Variants in UST observed in about 807,000 individuals in gnomAD.
The protein encoded by UST is uronyl 2-sulfotransferase.
In UST, 21 loss-of-function variants were observed where a neutral mutation model predicts 45.6. That is an observed-to-expected ratio of 0.46 (90% CI 0.33 to 0.66). The LOEUF (loss-of-function observed/expected upper bound fraction) is 0.66. Among genes scored for constraint, UST ranks in the 30% least tolerant of loss-of-function variants. The pLI is 0.02. For synonymous variants in UST, 215 were observed against 200.6 expected, an observed-to-expected ratio of 1.07 and a Z score of -0.61; for missense variants, 463 against 512.4, an observed-to-expected ratio of 0.90 and a Z score of 0.93.
intron 7 of UST, among the ~76,000 whole-genome samples, chr6:149,053,945 C>T (rs1776526409): frequency 6.6e-6 from 1 of 152,210 alleles, no homozygotes; most frequent in African/African-American, 2.4e-5. Context: ...TGTGAAATGG[C>T]TGTCATGAGC....
chr6:148,923,608 TAAGA>T (rs1230207800), intron 2 of UST, among the ~76,000 whole-genome samples: 6 of 152,204 alleles, frequency 3.9e-5, no homozygotes, highest in Non-Finnish European at 7.3e-5. Context: ...GTTACAGTTT[TAAGA>T]ATAATAGGCT....
chr6:148,836,644 T>C (rs1777790613), intron 1 of UST, among the ~76,000 whole-genome samples: 1 of 152,214 alleles, frequency 6.6e-6, no homozygotes, highest in African/African-American at 2.4e-5. Flanking sequence ...GATGAACATT[T>C]TCTAATTGTT....
Position 149,069,340 on chromosome 6 carries a change from C to G in UST, c.938-4493C>G, listed in dbSNP as rs182054439. Among the ~76,000 whole-genome samples, 17 of 152,250 alleles carry G rather than the reference C, an allele frequency of 1.1e-4. No homozygotes were observed. In the South Asian group the frequency reaches 3.3e-3, roughly 30 times the overall value. On this transcript the variant is annotated intron_variant, in intron 7 of 7. Transcript: ENST00000367463. ...CATACTGTTTACCATAGTGGCTGTTCTAATTGGCATTCCCACCAACAGTGT... is the reference window on the plus strand; with the variant it reads ...CATACTGTTTACCATAGTGGCTGTTGTAATTGGCATTCCCACCAACAGTGT...
At chr6:148,999,074 T>C (rs1781501190) in intron 5 of UST, among the ~76,000 whole-genome samples, 1 of 152,258 alleles carries the variant, frequency 6.6e-6, no homozygotes, top group African/African-American at 2.4e-5. Flanking sequence ...TTATAGGTCA[T>C]ATAATGTCAT....
At chr6:148,810,487 A>G (rs562681002) in intron 1 of UST, among the ~76,000 whole-genome samples, 1 of 152,328 alleles carries the variant, frequency 6.6e-6, no homozygotes, top group African/African-American at 2.4e-5. Context: ...TCCCCACAGT[A>G]GTTTGGTACA....
intron 3 of UST, among the ~76,000 whole-genome samples, chr6:148,953,615 C>CA: frequency 6.6e-6 from 1 of 151,910 alleles, no homozygotes; most frequent in South Asian, 2.1e-4. Context: ...CTAAAAAATA[C>CA]AAAAAATTAG....
intron 7 of UST, among the ~76,000 whole-genome samples, chr6:149,071,988 C>T (rs1776825519): frequency 6.6e-6 from 1 of 152,158 alleles, no homozygotes; most frequent in Non-Finnish European, 1.5e-5. Flanking sequence ...ATCAAAACCA[C>T]AGTGAGATAC....
chr6:148,875,912 T>C (rs1778641846), intron 1 of UST, among the ~76,000 whole-genome samples: 1 of 152,232 alleles, frequency 6.6e-6, no homozygotes. Context: ...GGACAGGCAG[T>C]GTGATAAGTG....
intron 7 of UST, among the ~76,000 whole-genome samples, chr6:149,072,761 G>A (rs1377091617): frequency 5.9e-5 from 9 of 152,102 alleles, no homozygotes; most frequent in Non-Finnish European, 5.9e-5. Flanking sequence ...AATATTGTAT[G>A]ATTCCACCTA....
At chr6:148,901,968 A>G (rs557303994) in intron 2 of UST, among the ~76,000 whole-genome samples, 7 of 152,298 alleles carry the variant, frequency 4.6e-5, no homozygotes, top group East Asian at 3.9e-4. Flanking sequence ...AGCATTGACT[A>G]TCTCTGCCAC....
intron 2 of UST, among the ~76,000 whole-genome samples, chr6:148,917,734 C>T (rs1184278558): frequency 3.9e-5 from 6 of 152,190 alleles, no homozygotes; most frequent in Admixed American, 3.3e-4. Context: ...AGGGCTGAGG[C>T]ATCTCCCACA....
intron 5 of UST, among the ~76,000 whole-genome samples, chr6:149,013,145 G>A (rs1444956106): frequency 6.6e-6 from 1 of 152,218 alleles, no homozygotes; most frequent in East Asian, 1.9e-4. Flanking sequence ...CATGAAAGGT[G>A]AAAAAGTTTA....
intron 1 of UST, among the ~76,000 whole-genome samples, chr6:148,788,666 T>TA (rs1562258210): frequency 6.6e-6 from 1 of 151,932 alleles, no homozygotes; most frequent in African/African-American, 2.4e-5. Context: ...TAAGAGCTCT[T>TA]AAAAAAAAGA....
chr6:148,809,504 A>G (rs1777214938), intron 1 of UST, among the ~76,000 whole-genome samples: 1 of 151,946 alleles, frequency 6.6e-6, no homozygotes, highest in Non-Finnish European at 1.5e-5. Context: ...GATTTTGTGG[A>G]TTATCTGCTT....
chr6:149,026,758 T>C (rs755243253), intron 7 of UST, among the ~76,000 whole-genome samples: 5 of 152,334 alleles, frequency 3.3e-5, no homozygotes, highest in Non-Finnish European at 7.3e-5. Context: ...TGAAAACTCA[T>C]GTGTCCAATC....
At chr6:148,899,509 T>C (rs148825399) in intron 2 of UST, among the ~76,000 whole-genome samples, 4 of 152,186 alleles carry the variant, frequency 2.6e-5, no homozygotes, top group Non-Finnish European at 4.4e-5. Flanking sequence ...AATTATAGAC[T>C]AGCAGGAAAA....
At chr6:148,978,173 G>T (rs1253404061) in intron 5 of UST, among the ~76,000 whole-genome samples, 2 of 152,020 alleles carry the variant, frequency 1.3e-5, no homozygotes, top group African/African-American at 4.8e-5. Context: ...ATATCCCCAG[G>T]TGATAATTTT....
At chr6:148,831,217 A>G (rs1777682357) in intron 1 of UST, among the ~76,000 whole-genome samples, 3 of 152,156 alleles carry the variant, frequency 2.0e-5, no homozygotes, top group Admixed American at 6.5e-5. Flanking sequence ...GCAGCCACAT[A>G]CCAGCATCTG....
rs77184754 is a variant in UST, at chr6:149,019,011, G to A, written c.682-128G>A. 5.9e-3 allele frequency: 4,579 copies of A among 777,822 alleles called. 177 individuals are homozygous for A. In the African/African-American group the frequency reaches 0.071, roughly 12 times the overall value. The allele number at this position is 777,822 out of a possible 1,614,324, so 48.2% of individuals were successfully genotyped here. On this transcript the variant is annotated intron_variant, in intron 5 of 7. Coordinates refer to ENST00000367463, the MANE Select transcript of UST (RefSeq NM_005715.3). ...AAAAATAAGTTTTCTCATGAAATCT[G>A]TGAATTCTCTTCATCTTCTCAAGGC... is the stretch of plus-strand genomic sequence containing the variant.
Sources: allele counts gnomAD v4.1 joint callset (sites outside exome capture counted in the v4.1 genomes callset), GRCh38; gene constraint gnomAD v4.1.1; transcripts MANE v1.5; gene names NCBI Gene and HGNC (gene_info 2026-07-23, HGNC 2026-07-21).